The following PCNT variants were observed in gnomAD, a reference collection of about 807,000 sequenced individuals.
The protein encoded by PCNT is kendrin.
PCNT carries 319 observed loss-of-function variants against 380.4 expected under a neutral mutation model. That is an observed-to-expected ratio of 0.84 (90% CI 0.77 to 0.92). The LOEUF is 0.92. Ranked by LOEUF, PCNT falls within the 40% of genes least tolerant of loss-of-function variation. The pLI is 0.00. For synonymous variants in PCNT, 1,845 were observed against 1,735.2 expected (o/e 1.06, Z -1.57); for missense variants, 4,400 against 4,255.3 (o/e 1.03, Z -0.95).
chr21:46,439,280 G>T (rs2053545350), intron 41 of PCNT, among the ~76,000 whole-genome samples: 1 of 152,108 alleles, frequency 6.6e-6, no homozygotes, highest in Non-Finnish European at 1.5e-5. Flanking sequence ...CTCTCTCCCA[G>T]AAAGGTGTGT....
chr21:46,376,457 G>A (rs1320357350), intron 15 of PCNT, among the ~76,000 whole-genome samples: 4 of 152,208 alleles, frequency 2.6e-5, no homozygotes, highest in African/African-American at 9.7e-5. Context: ...TGGATGCCAG[G>A]AGGGAAGCGC....
In PCNT at chr21:46,440,941, T is replaced by G. The variant is rs951958204; in HGVS notation, c.9480T>G (p.Ile3160Met). ...AAAAGAAGTATCTTTTGCTGTTGAT[T>G]GGTGGATTCCAGGATTCTGAACAAG... is the stretch of plus-strand genomic sequence containing the variant. Reference protein sequence around the residue: ...IYQKKYLLLLIGGFQDSEQET... With the variant: ...IYQKKYLLLLMGGFQDSEQET... Residue 3160 changes from isoleucine (I) to methionine (M), a missense_variant, in exon 43 of 47, where the codon ATT becomes ATG. Coordinates refer to ENST00000359568, the MANE Select transcript of PCNT (RefSeq NM_006031.6). 3 of 1,613,520 alleles carry G rather than the reference T, an allele frequency of 1.9e-6. No individual in the cohort carries two copies. Among genetic ancestry groups the G allele is most frequent in the Non-Finnish European group, 2.5e-6 (3 of 1,179,372 alleles).
chr21:46,346,659 C>T, intron 4 of PCNT, 84 bp from the exon 5 acceptor site: 1 of 1,470,542 alleles, frequency 6.8e-7, no homozygotes, highest in East Asian at 2.4e-5. Flanking sequence ...CTTCCTTACT[C>T]ATTCTCATTC....
At chr21:46,422,750 T>C (rs2087308538) in intron 32 of PCNT, among the ~76,000 whole-genome samples, 1 of 152,164 alleles carries the variant, frequency 6.6e-6, no homozygotes, top group African/African-American at 2.4e-5. Flanking sequence ...CTTCTGAGAC[T>C]GCGCAGTAAG....
At position 46,411,665 on chromosome 21, in the gene PCNT, A is replaced by G. The variant is rs374940410; in HGVS notation, c.5592A>G (p.Lys1864=). 12 of 1,613,046 alleles carry G rather than the reference A, an allele frequency of 7.4e-6. No homozygotes were observed. The African/African-American group carries it at 1.5e-4, about 20-fold the overall frequency. Residue 1864 remains lysine, a synonymous_variant, in exon 28 of 47, where the codon AAA becomes AAG. Coordinates refer to ENST00000359568, the MANE Select transcript of PCNT (RefSeq NM_006031.6). Reference sequence around the variant, plus strand: ...TCCAGGAGTTCGAAGCGGCCCTGAAAGCAAAGGAAGCGACGATTGCCGAGA... The same window carrying G: ...TCCAGGAGTTCGAAGCGGCCCTGAAGGCAAAGGAAGCGACGATTGCCGAGA... ...SRIQEFEAAL[K]AKEATIAERN...
In PCNT at chr21:46,324,285, A is replaced by G; in HGVS notation, c.54+3A>G. 6.2e-7 allele frequency: 1 copy of G among 1,608,628 alleles called. No individual in the cohort carries two copies. Among genetic ancestry groups the G allele is most frequent in the Non-Finnish European group, 8.5e-7 (1 of 1,176,866 alleles). The stretch of plus-strand genomic sequence containing the variant: ...AGGTGGAGGCCGGGAGGACGAAGGT[A>G]AACATTAGGGGCTTCTTCTCTAGCT... On this transcript the variant is annotated splice_donor_region_variant and intron_variant, in intron 1 of 46. Transcript: ENST00000359568.
At chr21:46,403,468 G>A (rs1281540796) in intron 27 of PCNT, among the ~76,000 whole-genome samples, 10 of 127,902 alleles carry the variant, frequency 7.8e-5, no homozygotes, top group Non-Finnish European at 1.5e-4. Context: ...CGCGGCACGT[G>A]CTTGGTGAAT....
intron 2 of PCNT, among the ~76,000 whole-genome samples, chr21:46,327,706 A>T (rs995432800): frequency 1.1e-4 from 17 of 152,236 alleles, no homozygotes; most frequent in African/African-American, 3.4e-4. Flanking sequence ...GTTTCTTGGG[A>T]CATTTAAAAC....
At chr21:46,395,378 A>G (rs777487195) in intron 21 of PCNT, among the ~76,000 whole-genome samples, 5 of 152,188 alleles carry the variant, frequency 3.3e-5, no homozygotes, top group Non-Finnish European at 5.9e-5. Context: ...AATAATTATA[A>G]TAAAATAGAG....
In PCNT at chr21:46,417,356, G is replaced by A. The variant is rs548414878; in HGVS notation, c.6921+517G>A. Among the ~76,000 whole-genome samples, 49 of 151,790 alleles carry A rather than the reference G, an allele frequency of 3.2e-4. No individual in the cohort carries two copies. The East Asian group carries it at 7.2e-3, about 22-fold the overall frequency. On this transcript the variant is annotated intron_variant, in intron 30 of 46. Coordinates refer to ENST00000359568, the MANE Select transcript of PCNT (RefSeq NM_006031.6). ...ACTACAGGCACACGCCACCACACCC[G>A]GCTAATTTTTGTAGTTTAGTAGAGA... is the stretch of plus-strand genomic sequence containing the variant.
At chr21:46,402,619 C>T in intron 27 of PCNT, 136 bp downstream of exon 27, 2 of 867,908 alleles carry the variant, frequency 2.3e-6, no homozygotes, top group East Asian at 2.6e-5. Context: ...GCAGACAGTG[C>T]AGAGAGCGCC....
intron 40 of PCNT, among the ~76,000 whole-genome samples, chr21:46,437,402 A>G (rs1196486723): frequency 3.3e-5 from 5 of 152,102 alleles, no homozygotes; most frequent in African/African-American, 1.2e-4. Context: ...GCCCCCTCAC[A>G]TGCTGCTCGC....
chr21:46,372,282 C>A (rs947456817), intron 15 of PCNT, among the ~76,000 whole-genome samples: 5 of 148,416 alleles, frequency 3.4e-5, no homozygotes, highest in African/African-American at 5.3e-5. Context: ...CATGCATGCA[C>A]ACAGCACATA....
rs1357196436 is a variant in PCNT at position 46,351,529 on chromosome 21, A to G, written c.1445A>G (p.Gln482Arg). The G allele has an allele frequency of 6.3e-7, 1 of 1,592,340 alleles. No individual in the cohort carries two copies. Among genetic ancestry groups the G allele is most frequent in the South Asian group, 1.1e-5 (1 of 90,670 alleles). ...SQLDSARTSRQELSELHEQLL... is the reference protein window; with the variant it reads ...SQLDSARTSRRELSELHEQLL... The stretch of plus-strand genomic sequence containing the variant: ...CTTGATTCTGCCAGGACCAGTAGAC[A>G]GGAATTGAGTGGTGAGGAATTGTAT... Residue 482 changes from glutamine to arginine, a missense_variant, in exon 9 of 47, where the codon CAG becomes CGG. By Grantham distance (43) the Gln-to-Arg change is conservative. Coordinates refer to ENST00000359568, the MANE Select transcript of PCNT (RefSeq NM_006031.6).
At chr21:46,402,693 G>A (rs957312019) in intron 27 of PCNT, among the ~76,000 whole-genome samples, 13 of 152,142 alleles carry the variant, frequency 8.5e-5, no homozygotes, top group Admixed American at 7.9e-4. Flanking sequence ...AGGAACCAGC[G>A]ACCCCTGCCC....
chr21:46,441,454 C>G (rs1156677865), intron 43 of PCNT, among the ~76,000 whole-genome samples: 2 of 152,214 alleles, frequency 1.3e-5, no homozygotes, highest in African/African-American at 4.8e-5. Flanking sequence ...AGGCCACGCG[C>G]GGGCCTGTCT....
rs756428673 is a variant in PCNT at position 46,411,705 on chromosome 21, G to A, written c.5632G>A (p.Asp1878Asn). The A allele has an allele frequency of 1.9e-6, 3 of 1,612,766 alleles. No homozygotes were observed. Among genetic ancestry groups the A allele is most frequent in the Admixed American group, 3.3e-5 (2 of 60,024 alleles). The part of the protein sequence containing the change: ...ATIAERNLEI[D>N]ALNQRKAAHS... ...GATTGCCGAGAGAAATTTAGAAATC[G>A]ACGCTCTGAACCAGCGGAAGGCGGC... is the stretch of plus-strand genomic sequence containing the variant. Residue 1878 changes from aspartate (D) to asparagine (N), a missense_variant, in exon 28 of 47, where the codon GAC becomes AAC. Coordinates refer to ENST00000359568, the MANE Select transcript of PCNT (RefSeq NM_006031.6).
chr21:46,348,739 C>T (rs562942747), intron 6 of PCNT, among the ~76,000 whole-genome samples: 3 of 152,064 alleles, frequency 2.0e-5, no homozygotes, highest in Admixed American at 6.6e-5. Flanking sequence ...CTCAGCCTCC[C>T]GAGTAGCTGG....
chr21:46,434,176 G>T (rs1468751895), intron 38 of PCNT, among the ~76,000 whole-genome samples: 1 of 152,228 alleles, frequency 6.6e-6, no homozygotes, highest in East Asian at 1.9e-4. Flanking sequence ...TGGCATGCTG[G>T]ATACAATTCC....
Sources: allele counts gnomAD v4.1 joint callset (sites outside exome capture counted in the v4.1 genomes callset), GRCh38; gene constraint gnomAD v4.1.1; transcripts MANE v1.5; gene names NCBI Gene and HGNC (gene_info 2026-07-23, HGNC 2026-07-21).